DCST1: variants seen among roughly 807,000 people sequenced by gnomAD.
The protein encoded by DCST1 is E3 ubiquitin-protein ligase DCST1.
A neutral mutation model predicts 89.1 loss-of-function variants in DCST1; 78 were observed. That is an observed-to-expected ratio of 0.88 (90% CI 0.73 to 1.06). The LOEUF (loss-of-function observed/expected upper bound fraction) is 1.06. Ranked by LOEUF, DCST1 falls within the 50% of genes least tolerant of loss-of-function variation. The pLI is 0.00. For synonymous variants in DCST1, 364 were observed against 371.9 expected (o/e 0.98, Z 0.24); for missense variants, 900 against 928.6 (o/e 0.97, Z 0.40).
At chr1:155,040,725 G>C (rs1276957614) in intron 6 of DCST1, 101 bp downstream of exon 6, 1 of 1,440,574 alleles carries the variant, frequency 6.9e-7, no homozygotes, top group Non-Finnish European at 9.2e-7. Flanking sequence ...TTCCCAATGG[G>C]GATACTACTG....
chr1:155,034,671 T>C lies in DCST1; in HGVS notation c.206T>C (p.Val69Ala). The C allele has an allele frequency of 1.9e-6, 3 of 1,614,230 alleles. No individual in the cohort carries two copies. The highest frequency in any genetic ancestry group is 2.2e-5 in the East Asian group (1 of 44,882). The change falls in exon 4 of 17, where the codon GTG becomes GCG. Residue 69 changes from valine (V) to alanine (A), a missense_variant. By Grantham distance (64) the Val-to-Ala change is moderately conservative (BLOSUM62 0). Transcript: ENST00000295542. ...LLAIGLFQLLVNPMNIYEEQK... is the reference protein window; with the variant it reads ...LLAIGLFQLLANPMNIYEEQK... ...CCCTTAGGTCTCTTTCAGCTCCTGG[T>C]GAACCCCATGAACATCTACGAAGAA...
chr1:155,041,578 A>C lies in DCST1; in HGVS notation c.713A>C (p.Lys238Thr), dbSNP rs762957280. The change falls in exon 7 of 17, where the codon AAG becomes ACG. Residue 238 changes from lysine to threonine, a missense_variant. Transcript: ENST00000295542. Reference sequence around the variant, plus strand: ...TCCAGACTCCACCTGTCGACACAGAAGATGTATGAGCTGAAGACCAAGCTG... The same window carrying C: ...TCCAGACTCCACCTGTCGACACAGACGATGTATGAGCTGAAGACCAAGCTG... The part of the protein sequence containing the change: ...PASRLHLSTQ[K>T]MYELKTKLRC... 1.9e-5 allele frequency: 31 copies of C among 1,614,064 alleles called. 1 individual carries two copies. The South Asian group carries it at 3.0e-4, about 15-fold the overall frequency.
chr1:155,033,911 G>A, intron 1 of DCST1, 57 bp downstream of exon 1: 3 of 1,361,254 alleles, frequency 2.2e-6, no homozygotes, highest in Non-Finnish European at 3.1e-6. Flanking sequence ...AAGGCCCAGA[G>A]CTCAGGCCTA....
intron 13 of DCST1, 126 bp from the exon 14 acceptor site, chr1:155,047,070 G>T: frequency 1.2e-6 from 1 of 822,008 alleles, no homozygotes; most frequent in Non-Finnish European, 2.2e-6. Flanking sequence ...ATTCAGGAAG[G>T]GACAGAAAGA....
intron 5 of DCST1, 150 bp from the exon 6 acceptor site, chr1:155,040,335 C>G: frequency 2.3e-6 from 1 of 437,190 alleles, no homozygotes; most frequent in East Asian, 5.6e-5. Flanking sequence ...TGAAAAAAAT[C>G]AAAGGTTGAA....
chr1:155,035,132 A>G, intron 4 of DCST1: 2 of 202,004 alleles, frequency 9.9e-6, no homozygotes, highest in South Asian at 1.9e-4. Context: ...GATGACAAGC[A>G]TCCAGCCGTT....
chr1:155,042,863 G>C lies in DCST1; in HGVS notation c.1014+7G>C, dbSNP rs1279720225. ...AGCCAATATTGACTTCAAGGTAGAA[G>C]GCAAGGGCGAGGGTTGGTGGGGGGT... On this transcript the variant is annotated splice_region_variant and intron_variant, in intron 9 of 16. Coordinates refer to ENST00000295542, the MANE Select transcript of DCST1 (RefSeq NM_152494.4). 1.2e-6 allele frequency: 2 copies of C among 1,614,152 alleles called. No individual in the cohort carries two copies. The highest frequency in any genetic ancestry group is 1.7e-6 in the Non-Finnish European group (2 of 1,180,028).
rs1233145342 is a variant in DCST1 at position 155,041,558 on chromosome 1, A to G, written c.693A>G (p.Arg231=). 5.0e-6 allele frequency: 8 copies of G among 1,613,948 alleles called. No homozygotes were observed. The highest frequency in any genetic ancestry group is 6.8e-6 in the Non-Finnish European group (8 of 1,180,004). The part of the protein sequence containing the change: ...GREARQAPAS[R]LHLSTQKMYE... ...AGGCCCGCCAAGCCCCAGCCTCCAG[A>G]CTCCACCTGTCGACACAGAAGATGT... The change falls in exon 7 of 17, where the codon AGA becomes AGG. Residue 231 remains arginine (R), a synonymous_variant. Transcript: ENST00000295542.
intron 4 of DCST1, among the ~76,000 whole-genome samples, chr1:155,038,094 C>T (rs1035711991): frequency 1.3e-5 from 2 of 152,208 alleles, no homozygotes; most frequent in Non-Finnish European, 2.9e-5. Flanking sequence ...TTGCCACAAA[C>T]CTGAATGACT....
chr1:155,050,709 G>A lies in DCST1; in HGVS notation c.1962G>A (p.Thr654=), dbSNP rs1304137663. The A allele has an allele frequency of 2.5e-6, 4 of 1,607,890 alleles. No individual in the cohort carries two copies. Among genetic ancestry groups the A allele is most frequent in the South Asian group, 1.1e-5 (1 of 90,292 alleles). ...GCGTGGTGTGCCAGGCACCCGAGAC[G>A]CCCGAGTCCTACGTGTGCCGGACGC... ...RRCVVCQAPE[T]PESYVCRTLD... is the part of the protein sequence containing the mutation. The change falls in exon 17 of 17, where the codon ACG becomes ACA. Residue 654 remains threonine (T), a synonymous_variant. Coordinates refer to ENST00000295542, the MANE Select transcript of DCST1 (RefSeq NM_152494.4).
chr1:155,041,480 G>T lies in DCST1; in HGVS notation c.615G>T (p.Thr205=), dbSNP rs771996479. The change falls in exon 7 of 17, where the codon ACG becomes ACT. Residue 205 remains threonine, a synonymous_variant. Transcript: ENST00000295542. ...TGGATGCCCAGGTGAATAGTGAGACGGGCTACACGCCTGAGGATACCATGG... is the reference window on the plus strand; with the variant it reads ...TGGATGCCCAGGTGAATAGTGAGACTGGCTACACGCCTGAGGATACCATGG... The part of the protein sequence containing the change: ...EDLDAQVNSE[T]GYTPEDTMDS... 5 of 1,613,986 alleles carry T rather than the reference G, an allele frequency of 3.1e-6. No homozygotes were observed. The African/African-American group carries it at 6.7e-5, about 22-fold the overall frequency.
At chr1:155,044,761 G>A (rs1660560837) in intron 10 of DCST1, among the ~76,000 whole-genome samples, 1 of 152,212 alleles carries the variant, frequency 6.6e-6, no homozygotes. Context: ...GACCAGAACA[G>A]TCTGGAAAGC....
rs1252530266 is a variant in DCST1, at chr1:155,034,757, C to G, written c.262+30C>G. The G allele has an allele frequency of 2.5e-6, 4 of 1,612,568 alleles. No individual in the cohort carries two copies. In the Admixed American group the frequency reaches 5.0e-5, roughly 20 times the overall value. ...GTGCTGGGCAAAAGCCAGGAACACT[C>G]AAGCGGCCTGTGGAACACAGCGCCG... On this transcript the variant is annotated intron_variant, in intron 4 of 16. Transcript: ENST00000295542.
chr1:155,043,536 C>T, intron 10 of DCST1, 27 bp downstream of exon 10: 1 of 1,550,850 alleles, frequency 6.4e-7, no homozygotes. Context: ...ACCCCAGCAG[C>T]CCCTCCTCTG....
At chr1:155,036,448 C>G (rs1660280573) in intron 4 of DCST1, among the ~76,000 whole-genome samples, 1 of 152,148 alleles carries the variant, frequency 6.6e-6, no homozygotes, top group South Asian at 2.1e-4. Flanking sequence ...GACTTTTAAC[C>G]TCATCCATTC....
At chr1:155,033,935 G>T in intron 1 of DCST1, 37 bp from the exon 2 acceptor site, 1 of 1,472,086 alleles carries the variant, frequency 6.8e-7, no homozygotes, top group Non-Finnish European at 9.4e-7. Context: ...TTCCCATGAA[G>T]CGGAAGAGAC....
intron 14 of DCST1, among the ~76,000 whole-genome samples, chr1:155,047,580 T>G (rs926579037): frequency 1.1e-4 from 17 of 152,316 alleles, no homozygotes; most frequent in African/African-American, 4.1e-4. Flanking sequence ...CAACAGGACA[T>G]TCAGTCAAGA....
intron 16 of DCST1, 43 bp from the exon 17 acceptor site, chr1:155,050,574 C>A: frequency 1.3e-6 from 2 of 1,523,956 alleles, no homozygotes; most frequent in Non-Finnish European, 1.8e-6. Flanking sequence ...CCCTTCTTTC[C>A]CGCCTCGCTC....
chr1:155,038,696 T>C (rs1660342807), intron 4 of DCST1, among the ~76,000 whole-genome samples: 1 of 152,186 alleles, frequency 6.6e-6, no homozygotes, highest in African/African-American at 2.4e-5. Context: ...CGTCCTGTCT[T>C]TGTCCAGCCT....
Sources: gnomAD v4.1 joint callset for allele counts (sites outside exome capture counted in the v4.1 genomes callset) on GRCh38, gnomAD v4.1.1 for gene constraint, MANE v1.5 for transcripts, NCBI Gene and HGNC (gene_info 2026-07-23, HGNC 2026-07-21) for gene names.